The following HTR4 variants were observed in gnomAD, a reference collection of about 807,000 sequenced individuals.
HTR4 encodes the protein 5-hydroxytryptamine (serotonin) receptor 4, G protein-coupled.
A neutral mutation model predicts 36.8 loss-of-function variants in HTR4; 16 were observed. That is an observed-to-expected ratio of 0.43 (90% CI 0.29 to 0.66). HTR4 has a LOEUF of 0.66. HTR4 is among the 30% of genes least tolerant of loss of function. The probability of loss-of-function intolerance (pLI) is 0.13; values close to 1 mark genes in which losing one functional copy is unlikely to be tolerated. For synonymous variants in HTR4, 189 were observed against 185.1 expected (o/e 1.02, Z -0.17); for missense variants, 438 against 490.9 (o/e 0.89, Z 1.02).
intron 5 of HTR4, among the ~76,000 whole-genome samples, chr5:148,455,024 A>G (rs1755066148): frequency 6.6e-6 from 1 of 152,224 alleles, no homozygotes; most frequent in Non-Finnish European, 1.5e-5. Context: ...GAATGACAAT[A>G]CTAAGAAATC....
intron 5 of HTR4, among the ~76,000 whole-genome samples, chr5:148,516,601 A>C (rs2113784877): frequency 6.7e-6 from 1 of 150,124 alleles, no homozygotes; most frequent in East Asian, 2.0e-4. Context: ...TACAGGCGTG[A>C]GCCACCGCAC....
At chr5:148,462,103 T>G (rs1349606572) in intron 5 of HTR4, among the ~76,000 whole-genome samples, 1 of 151,982 alleles carries the variant, frequency 6.6e-6, no homozygotes, top group Non-Finnish European at 1.5e-5. Flanking sequence ...GTTTCTAATT[T>G]AGGAAGTTAG....
At chr5:148,490,117 A>G (rs1437157623) in intron 6 of HTR4, among the ~76,000 whole-genome samples, 4 of 149,802 alleles carry the variant, frequency 2.7e-5, no homozygotes, top group African/African-American at 9.8e-5. Flanking sequence ...TTGGAAAGTC[A>G]TGCAAATGTA....
chr5:148,650,693 C>T (rs1304447374), intron 1 of HTR4, among the ~76,000 whole-genome samples: 1 of 152,156 alleles, frequency 6.6e-6, no homozygotes, highest in Non-Finnish European at 1.5e-5. Context: ...TTCCTCTCCC[C>T]TGCACCTCCC....
At chr5:148,534,721 C>A (rs945471729) in intron 4 of HTR4, among the ~76,000 whole-genome samples, 3 of 152,052 alleles carry the variant, frequency 2.0e-5, no homozygotes, top group African/African-American at 7.2e-5. Flanking sequence ...AGACAGGTAA[C>A]CCCTAACTTG....
intron 1 of HTR4, among the ~76,000 whole-genome samples, chr5:148,647,973 C>T (rs188316212): frequency 6.6e-6 from 1 of 152,170 alleles, no homozygotes; most frequent in African/African-American, 2.4e-5. Context: ...TGGTTTGTTT[C>T]CTCAGCATAA....
intron 2 of HTR4, among the ~76,000 whole-genome samples, chr5:148,616,174 C>T (rs1239630850): frequency 6.6e-6 from 1 of 152,150 alleles, no homozygotes. Flanking sequence ...AGGGTTAGTG[C>T]TTTTTGACAC....
At chr5:148,494,117 G>T (rs1197514536) in intron 6 of HTR4, among the ~76,000 whole-genome samples, 1 of 152,214 alleles carries the variant, frequency 6.6e-6, no homozygotes, top group Non-Finnish European at 1.5e-5. Flanking sequence ...TGGTTTCACT[G>T]TGAACAAACA....
At chr5:148,504,342 C>G (rs1450653390) in intron 6 of HTR4, among the ~76,000 whole-genome samples, 1 of 152,216 alleles carries the variant, frequency 6.6e-6, no homozygotes, top group East Asian at 1.9e-4. Context: ...AAGAAACCCA[C>G]TCAAAACTGC....
intron 6 of HTR4, among the ~76,000 whole-genome samples, chr5:148,501,907 A>C (rs938483292): frequency 1.3e-5 from 2 of 152,056 alleles, no homozygotes; most frequent in Admixed American, 6.6e-5. Flanking sequence ...AAAATACAAA[A>C]AAATTAGCCA....
chr5:148,472,420 T>C (rs1039392900), downstream of HTR4, among the ~76,000 whole-genome samples: 4 of 152,232 alleles, frequency 2.6e-5, no homozygotes, highest in Non-Finnish European at 4.4e-5. Flanking sequence ...TCTATCTATA[T>C]GGACCCACGT....
chr5:148,530,336 C>T (rs574801052), intron 4 of HTR4, among the ~76,000 whole-genome samples: 15 of 152,210 alleles, frequency 9.9e-5, no homozygotes, highest in African/African-American at 3.6e-4. Flanking sequence ...TTTTGTGAGC[C>T]AGACCCAGGG....
chr5:148,623,766 C>T (rs996000603), intron 2 of HTR4, among the ~76,000 whole-genome samples: 9 of 152,092 alleles, frequency 5.9e-5, no homozygotes, highest in African/African-American at 1.9e-4. Context: ...CGTTCTAGGT[C>T]CTCAGCTGAT....
intron 1 of HTR4, among the ~76,000 whole-genome samples, chr5:148,650,467 T>C (rs1187173596): frequency 6.6e-6 from 1 of 152,198 alleles, no homozygotes. Flanking sequence ...TTTCCCTCTG[T>C]GCAAATCTGT....
chr5:148,481,962 G>A lies in HTR4; in HGVS notation c.*1241C>T, dbSNP rs1755907277. ...GCCATGGCTTCTCGAGGTAGCAGACGGCTATAGCAGCATACTGTTGTCTTA... is the reference window on the plus strand; with the variant it reads ...GCCATGGCTTCTCGAGGTAGCAGACAGCTATAGCAGCATACTGTTGTCTTA... On this transcript the variant is annotated 3_prime_UTR_variant, in exon 7 of 7. Coordinates refer to ENST00000377888, the MANE Select transcript of HTR4 (RefSeq NM_000870.7). 3 of 1,056,290 alleles carry A rather than the reference G, an allele frequency of 2.8e-6. No individual in the cohort carries two copies. The highest frequency in any genetic ancestry group is 3.4e-6 in the Non-Finnish European group (3 of 876,632). 65.4% of individuals were successfully genotyped at this position (1,056,290 alleles called of 1,614,324 possible).
Position 148,506,702 on chromosome 5 carries a change from A to G in HTR4, c.1076+2754T>C, listed in dbSNP as rs547228299. ...GAAAAAAACAAACAACCCCATCAAC[A>G]AGTGGGTGAAGGATATGAACAGACA... On this transcript the variant is annotated intron_variant, in intron 6 of 6. Coordinates refer to ENST00000377888, the MANE Select transcript of HTR4 (RefSeq NM_000870.7). 1.5e-3 allele frequency among the ~76,000 whole-genome samples: 221 copies of G among 152,354 alleles called. 4 individuals are homozygous for G. Among genetic ancestry groups the G allele is most frequent in the African/African-American group, 5.2e-3 (216 of 41,576 alleles).
intron 2 of HTR4, among the ~76,000 whole-genome samples, chr5:148,609,120 C>A (rs975280125): frequency 6.6e-6 from 1 of 152,080 alleles, no homozygotes; most frequent in Admixed American, 6.5e-5. Flanking sequence ...GGAGTGGGGA[C>A]CCCCTCGTTG....
At chr5:148,590,485 G>A (rs1004552323) in intron 2 of HTR4, among the ~76,000 whole-genome samples, 5 of 150,618 alleles carry the variant, frequency 3.3e-5, no homozygotes, top group African/African-American at 1.2e-4. Flanking sequence ...TAATAGAGAC[G>A]GGGTTGGTAT....
intron 5 of HTR4, among the ~76,000 whole-genome samples, chr5:148,466,700 G>A (rs1277289043): frequency 6.6e-6 from 1 of 152,198 alleles, no homozygotes; most frequent in Non-Finnish European, 1.5e-5. Context: ...ACAGTGAATA[G>A]CAAATGAAGT....
Sources: allele counts gnomAD v4.1 joint callset (sites outside exome capture counted in the v4.1 genomes callset), GRCh38; gene constraint gnomAD v4.1.1; transcripts MANE v1.5; gene names NCBI Gene and HGNC (gene_info 2026-07-23, HGNC 2026-07-21).